The following BAHCC1 variants were observed in gnomAD, a reference collection of about 807,000 sequenced individuals.
BAHCC1 encodes the protein BAH domain and coiled-coil containing 1, also known as BAH and coiled-coil domain-containing protein 1.
BAHCC1 carries 43 observed loss-of-function variants against 88.2 expected under a neutral mutation model. The ratio of observed to expected loss-of-function variants is 0.49; its 90% CI spans 0.38 to 0.63. The LOEUF is 0.63. Among genes scored for constraint, BAHCC1 ranks in the 20% least tolerant of loss-of-function variants. The probability of loss-of-function intolerance (pLI) is 0.00; values close to 1 mark genes in which losing one functional copy is unlikely to be tolerated. For missense variants in BAHCC1, 3,023 were observed against 1,654.8 expected (o/e 1.83, Z -14.34); for synonymous variants, 1,510 against 745.5 (o/e 2.03, Z -16.71).
At chr17:81,430,025 C>T (rs1197904823) in intron 3 of BAHCC1, among the ~76,000 whole-genome samples, 1 of 152,202 alleles carries the variant, frequency 6.6e-6, no homozygotes, top group Non-Finnish European at 1.5e-5. Context: ...CGGCCCGCAG[C>T]TTACCCGAGG....
intron 2 of BAHCC1, among the ~76,000 whole-genome samples, chr17:81,422,190 T>C (rs1281374950): frequency 2.0e-5 from 3 of 152,100 alleles, no homozygotes; most frequent in Non-Finnish European, 4.4e-5. Flanking sequence ...TTCTGTATTT[T>C]TAGTAGAGAC....
In BAHCC1 at chr17:81,399,130, T is replaced by TGTGC; in HGVS notation, c.-206-401_-206-400insCGTG. ...GGAGGGGAGAGGGTGTGCGTGTGAG[T>TGTGC]GTGTGTGTGTGTGTGTGTGTGTGCG... On this transcript the variant is annotated intron_variant, in intron 1 of 27. Transcript: ENST00000675386. The surrounding 1 kb of genome is among the most constrained non-coding windows in gnomAD (Gnocchi z 4.5). 4.9e-6 allele frequency: 1 copy of TGTGC among 203,936 alleles called. No individual in the cohort carries two copies. The allele number at this position is 203,936 out of a possible 1,614,324, so 12.6% of individuals were successfully genotyped here.
chr17:81,427,340 C>T (rs1172506239), intron 3 of BAHCC1, among the ~76,000 whole-genome samples: 20 of 152,176 alleles, frequency 1.3e-4, no homozygotes, highest in Admixed American at 7.8e-4. Context: ...CCTCCCCAGA[C>T]GCTAGGAGGC....
Position 81,461,412 on chromosome 17 carries a change from C to G in BAHCC1, c.6749C>G (p.Ala2250Gly), listed in dbSNP as rs782325534. The change falls in exon 26 of 28, where the codon GCC becomes GGC. Residue 2250 changes from alanine to glycine, a missense_variant. By Grantham distance (60) the Ala-to-Gly change is moderately conservative. Transcript: ENST00000675386. ...CCCAGCCCCAGCTATGTGCACCCGG[C>G]CCTTGTGGGCAAGGACAAGAAGGGG... ...PLPSPSYVHP[A>G]LVGKDKKGRA... is the part of the protein sequence containing the mutation. 2.8e-6 allele frequency: 2 copies of G among 724,644 alleles called. No homozygotes were observed. The allele number at this position is 724,644 out of a possible 1,614,324, so 44.9% of individuals were successfully genotyped here.
At chr17:81,440,703 G>A (rs1378787133) in intron 4 of BAHCC1, among the ~76,000 whole-genome samples, 1 of 152,142 alleles carries the variant, frequency 6.6e-6, no homozygotes, top group Non-Finnish European at 1.5e-5. Flanking sequence ...CGGGAAGGGA[G>A]GGCCCAGACC....
rs1463115529 is a variant in BAHCC1 at position 81,434,231 on chromosome 17, C to T, written c.359-4139C>T. 1.3e-5 allele frequency among the ~76,000 whole-genome samples: 2 copies of T among 152,134 alleles called. No homozygotes were observed. The highest frequency in any genetic ancestry group is 2.9e-5 in the Non-Finnish European group (2 of 68,008). On this transcript the variant is annotated intron_variant, in intron 3 of 27. Transcript: ENST00000675386. The surrounding 1 kb of genome is among the most constrained non-coding windows in gnomAD (Gnocchi z 4.9). ...CAGCCTCCCACGTTCCCCAGGGCCT[C>T]CCAGGCTGGCTGCCCACGTGCACAT...
chr17:81,409,350 G>A (rs1168904581), intron 2 of BAHCC1, among the ~76,000 whole-genome samples: 1 of 151,498 alleles, frequency 6.6e-6, no homozygotes, highest in Non-Finnish European at 1.5e-5. Context: ...AGAAGTGGGG[G>A]TGGGGCTCCT....
chr17:81,424,958 T>G (rs2064158633), intron 2 of BAHCC1, among the ~76,000 whole-genome samples: 1 of 143,302 alleles, frequency 7.0e-6, no homozygotes, highest in Admixed American at 6.9e-5. Context: ...GTGATGTGGT[T>G]GGCATGATGT....
chr17:81,427,731 G>GC (rs1204858785), intron 3 of BAHCC1, among the ~76,000 whole-genome samples: 4 of 152,078 alleles, frequency 2.6e-5, no homozygotes, highest in African/African-American at 4.8e-5. Context: ...AGCTCCCCCC[G>GC]CCCCCCGCGG....
rs368017523 is a variant in BAHCC1, at chr17:81,447,517, C to T, written c.3645C>T (p.Asp1215=). 1.7e-5 allele frequency: 13 copies of T among 750,250 alleles called. No individual in the cohort carries two copies. The highest frequency in any genetic ancestry group is 1.0e-4 in the African/African-American group (6 of 58,602). The allele number at this position is 750,250 out of a possible 1,614,324, so 46.5% of individuals were successfully genotyped here. A position where few individuals can be genotyped will look rare whatever the true frequency, so the allele number is the denominator to read the frequency against. Residue 1215 remains aspartate, a synonymous_variant, in exon 11 of 28, where the codon GAC becomes GAT. Transcript: ENST00000675386. ...CAGGGAGTCCGGGTGCCCTTGAGGA[C>T]GAGGGGGAGCAGCCGGCCCCTGAGG... ...QRAGSPGALE[D]EGEQPAPEED... is the part of the protein sequence containing the mutation.
chr17:81,420,043 G>A (rs1555649436), intron 2 of BAHCC1, among the ~76,000 whole-genome samples: 2 of 152,146 alleles, frequency 1.3e-5, no homozygotes, highest in African/African-American at 4.8e-5. Flanking sequence ...CCCAGGCCCA[G>A]CCTCTGCTGT....
chr17:81,417,192 C>T (rs1356189383), intron 2 of BAHCC1, among the ~76,000 whole-genome samples: 1 of 152,176 alleles, frequency 6.6e-6, no homozygotes, highest in Non-Finnish European at 1.5e-5. Context: ...GTGTCCGTCT[C>T]CCCGCAGCTG....
intron 10 of BAHCC1, 79 bp downstream of exon 10, chr17:81,445,760 T>A (rs2064515323): frequency 1.5e-6 from 1 of 666,326 alleles, no homozygotes; most frequent in Admixed American, 2.3e-5. Context: ...CTGCGCTGAA[T>A]CCGGGCTGCC....
Position 81,451,995 on chromosome 17 carries a change from G to A in BAHCC1, c.4204G>A (p.Asp1402Asn), listed in dbSNP as rs782331411. The A allele has an allele frequency of 1.9e-5, 12 of 632,026 alleles. No homozygotes were observed. The highest frequency in any genetic ancestry group is 9.3e-5 in the South Asian group (5 of 53,928). 39.2% of individuals were successfully genotyped at this position (632,026 alleles called of 1,614,324 possible). The change falls in exon 13 of 28, where the codon GAC becomes AAC. Residue 1402 changes from aspartate (D) to asparagine (N), a missense_variant. Physicochemically the swap from Asp to Asn is conservative, Grantham distance 23. Coordinates refer to ENST00000675386, the MANE Select transcript of BAHCC1 (RefSeq NM_001377448.1). The part of the protein sequence containing the change: ...KPVCPLKAAI[D>N]RLDTQEVGMR... Reference sequence around the variant, plus strand: ...GGTGTGCCCCCTGAAGGCCGCCATCGACCGGCTGGACACGCAGGAGGTGGG... The same window carrying A: ...GGTGTGCCCCCTGAAGGCCGCCATCAACCGGCTGGACACGCAGGAGGTGGG...
In BAHCC1 at chr17:81,438,442, G is replaced by A. The variant is rs1435675447; in HGVS notation, c.431G>A (p.Gly144Glu). 1.3e-6 allele frequency: 1 copy of A among 777,730 alleles called. No individual in the cohort carries two copies. Among genetic ancestry groups the A allele is most frequent in the Non-Finnish European group, 2.4e-6 (1 of 417,054 alleles). The allele number at this position is 777,730 out of a possible 1,614,324, so 48.2% of individuals were successfully genotyped here. Residue 144 changes from glycine to glutamate, a missense_variant, in exon 4 of 28, where the codon GGA becomes GAA. Transcript: ENST00000675386. ...CCCGTGAGCCACTTGGATCACCATG[G>A]AAACAGCAACGTTCTCTATGGGCAG... Reference protein sequence around the residue: ...FLPVSHLDHHGNSNVLYGQHR... With the variant: ...FLPVSHLDHHENSNVLYGQHR...
At chr17:81,429,892 C>T (rs1352436177) in intron 3 of BAHCC1, among the ~76,000 whole-genome samples, 4 of 152,186 alleles carry the variant, frequency 2.6e-5, no homozygotes, top group Non-Finnish European at 5.9e-5. Context: ...GGCAGCCCCT[C>T]GAGCGGGCCA....
At position 81,462,459 on chromosome 17, in the gene BAHCC1, C is replaced by T. The variant is rs146422930; in HGVS notation, c.7384-281C>T. The T allele has an allele frequency of 1.9e-3, 974 of 524,908 alleles. 14 individuals are homozygous for T. Among genetic ancestry groups the T allele is most frequent in the African/African-American group, 0.017 (905 of 52,402 alleles). The allele number at this position is 524,908 out of a possible 1,614,324, so 32.5% of individuals were successfully genotyped here. On this transcript the variant is annotated intron_variant, in intron 26 of 27. Coordinates refer to ENST00000675386, the MANE Select transcript of BAHCC1 (RefSeq NM_001377448.1). ...GTGGGTCTTTTGCCTTCGTAAATAA[C>T]ACTGTGGTGAACGTCTTGTCCACAT...
At chr17:81,420,777 C>T (rs1555649499) in intron 2 of BAHCC1, among the ~76,000 whole-genome samples, 1 of 152,182 alleles carries the variant, frequency 6.6e-6, no homozygotes, top group East Asian at 1.9e-4. Context: ...CCCGCTGACA[C>T]CGCATCCCGC....
chr17:81,448,850 C>T (rs1414397084), intron 11 of BAHCC1, among the ~76,000 whole-genome samples: 1 of 152,008 alleles, frequency 6.6e-6, no homozygotes, highest in African/African-American at 2.4e-5. Flanking sequence ...AGCTTGGAGT[C>T]CTACCAGGGT....
Sources: gnomAD v4.1 joint callset for allele counts (sites outside exome capture counted in the v4.1 genomes callset) on GRCh38, gnomAD v4.1.1 for gene constraint, Gnocchi (gnomAD v3.1) non-coding constraint, MANE v1.5 for transcripts, NCBI Gene and HGNC (gene_info 2026-07-23, HGNC 2026-07-21) for gene names.